IRAK2: variants seen among roughly 807,000 people sequenced by gnomAD.
IRAK2 encodes the protein interleukin-1 receptor-associated kinase-like 2.
A neutral mutation model predicts 72.0 loss-of-function variants in IRAK2; 57 were observed. That is an observed-to-expected ratio of 0.79 (90% CI 0.64 to 0.99). The LOEUF is 0.99. Ranked by LOEUF, IRAK2 falls within the 50% of genes least tolerant of loss-of-function variation. The probability of loss-of-function intolerance (pLI) is 0.00; values close to 1 mark genes in which losing one functional copy is unlikely to be tolerated. For missense variants in IRAK2, 790 were observed against 794.4 expected (o/e 0.99, Z 0.07); for synonymous variants, 293 against 312.7 (o/e 0.94, Z 0.67).
Position 10,213,553 on chromosome 3 carries a change from G to A in IRAK2, c.788+5G>A. The A allele has an allele frequency of 6.2e-7, 1 of 1,611,774 alleles. No homozygotes were observed. Among genetic ancestry groups the A allele is most frequent in the Non-Finnish European group, 8.5e-7 (1 of 1,177,858 alleles). ...AGAGTTGCAGATTTGTCTTAGGTAA[G>A]CCTCCCCTTTGTTTAGTAATAATGA... On this transcript the variant is annotated splice_donor_5th_base_variant and intron_variant, in intron 6 of 12. Coordinates refer to ENST00000256458, the MANE Select transcript of IRAK2 (RefSeq NM_001570.4).
chr3:10,166,890 C>T (rs144603477), intron 1 of IRAK2, among the ~76,000 whole-genome samples: 5 of 152,172 alleles, frequency 3.3e-5, no homozygotes, highest in African/African-American at 9.6e-5. Flanking sequence ...GTGATTTGGC[C>T]GCTTTGGCCT....
chr3:10,228,478 A>G (rs923077494), intron 10 of IRAK2, among the ~76,000 whole-genome samples: 2 of 152,100 alleles, frequency 1.3e-5, no homozygotes, highest in African/African-American at 4.8e-5. Context: ...TTTTCTTGAG[A>G]TGGATTTCCC....
chr3:10,234,918 G>A (rs1483173905), intron 11 of IRAK2, among the ~76,000 whole-genome samples: 1 of 152,230 alleles, frequency 6.6e-6, no homozygotes, highest in African/African-American at 2.4e-5. Flanking sequence ...TCTGTGAATC[G>A]GCTTTATTCC....
At chr3:10,178,060 G>A (rs776733356) in intron 2 of IRAK2, 40 bp downstream of exon 2, 13 of 1,498,076 alleles carry the variant, frequency 8.7e-6, no homozygotes, top group African/African-American at 2.8e-5. Flanking sequence ...GGCCCATCAC[G>A]CTCCTGAGCA....
intron 11 of IRAK2, among the ~76,000 whole-genome samples, chr3:10,235,025 T>G (rs867495977): frequency 3.9e-5 from 6 of 152,134 alleles, no homozygotes; most frequent in African/African-American, 1.4e-4. Flanking sequence ...CCACCCTGAG[T>G]CCCACCACAG....
intron 2 of IRAK2, among the ~76,000 whole-genome samples, chr3:10,193,888 G>A (rs1480376005): frequency 2.6e-5 from 4 of 152,196 alleles, no homozygotes; most frequent in African/African-American, 7.2e-5. Context: ...TGTACCTCTC[G>A]GGACTGTGCA....
At position 10,200,524 on chromosome 3, in the gene IRAK2, A is replaced by C; in HGVS notation, c.424+9A>C. 6.5e-7 allele frequency: 1 copy of C among 1,544,406 alleles called. No homozygotes were observed. Among genetic ancestry groups the C allele is most frequent in the Non-Finnish European group, 8.7e-7 (1 of 1,142,968 alleles). On this transcript the variant is annotated intron_variant, in intron 3 of 12. Transcript: ENST00000256458. ...CACCTTTCCAGGCCCAGGTATTTTA[A>C]ATTTAACTTTTTTACTTAAAGCACT...
intron 2 of IRAK2, among the ~76,000 whole-genome samples, chr3:10,193,922 C>T (rs930939319): frequency 3.3e-5 from 5 of 152,260 alleles, no homozygotes; most frequent in Non-Finnish European, 7.3e-5. Flanking sequence ...CACCTAGAAT[C>T]GGTTTCCATT....
At chr3:10,183,052 G>A (rs759109042) in intron 2 of IRAK2, among the ~76,000 whole-genome samples, 1 of 152,100 alleles carries the variant, frequency 6.6e-6, no homozygotes, top group Non-Finnish European at 1.5e-5. Context: ...GATTACAGCC[G>A]TGAGCCACCG....
chr3:10,170,018 A>G (rs958104252), intron 1 of IRAK2, among the ~76,000 whole-genome samples: 1 of 152,142 alleles, frequency 6.6e-6, no homozygotes, highest in Non-Finnish European at 1.5e-5. Flanking sequence ...TTCCCACAAC[A>G]CTACAAAGTT....
At chr3:10,199,143 G>A (rs574110267) in intron 2 of IRAK2, among the ~76,000 whole-genome samples, 208 of 152,212 alleles carry the variant, frequency 1.4e-3, no homozygotes, top group African/African-American at 4.8e-3. Flanking sequence ...GCCTGAGCTG[G>A]CGGCAGGGCC....
chr3:10,238,642 G>A, intron 11 of IRAK2, 106 bp from the exon 12 acceptor site: 4 of 1,090,340 alleles, frequency 3.7e-6, no homozygotes, highest in Non-Finnish European at 5.3e-6. Flanking sequence ...CCAGCATTAG[G>A]TTCTTCAGTC....
At chr3:10,183,465 C>G (rs1364776783) in intron 2 of IRAK2, among the ~76,000 whole-genome samples, 2 of 152,198 alleles carry the variant, frequency 1.3e-5, no homozygotes, top group African/African-American at 4.8e-5. Context: ...AGCCTGTAAT[C>G]CCAACACTTT....
chr3:10,239,218 C>T (rs1342465612), intron 12 of IRAK2, among the ~76,000 whole-genome samples, 179 bp downstream of exon 12: 1 of 152,214 alleles, frequency 6.6e-6, no homozygotes, highest in Non-Finnish European at 1.5e-5. Flanking sequence ...CTCTCCCTGC[C>T]CTGGACTGTG....
rs144950945 is a variant in IRAK2, at chr3:10,223,800, C to T, written c.1209+969C>T. ...CTTCAGCCAAGTGCATACAGCTGCC[C>T]CTTGGGCCTCACCCTCTTTTCTTCT... On this transcript the variant is annotated intron_variant, in intron 9 of 12. Coordinates refer to ENST00000256458, the MANE Select transcript of IRAK2 (RefSeq NM_001570.4). 1.9e-3 allele frequency among the ~76,000 whole-genome samples: 293 copies of T among 152,340 alleles called. 7 individuals are homozygous for T. The South Asian group carries it at 0.034, about 18-fold the overall frequency.
chr3:10,221,743 T>C (rs1332568618), intron 8 of IRAK2, among the ~76,000 whole-genome samples: 1 of 152,016 alleles, frequency 6.6e-6, no homozygotes, highest in Non-Finnish European at 1.5e-5. Context: ...CCCATGCTGG[T>C]CTCAAACTCC....
intron 1 of IRAK2, among the ~76,000 whole-genome samples, chr3:10,168,454 G>T (rs537483948): frequency 1.3e-5 from 2 of 151,810 alleles, no homozygotes; most frequent in Non-Finnish European, 2.9e-5. Context: ...CAGGTGATCT[G>T]CCCGCCTCGG....
intron 4 of IRAK2, 28 bp downstream of exon 4, chr3:10,209,720 CAAG>C: frequency 7.5e-7 from 1 of 1,336,278 alleles, no homozygotes; most frequent in Non-Finnish European, 1.0e-6. Flanking sequence ...CTGCAGCCCC[CAAG>C]CCATGTCTCC....
intron 11 of IRAK2, among the ~76,000 whole-genome samples, chr3:10,236,342 G>GTTTTTTTTTTTTT (rs34423993): frequency 3.3e-4 from 33 of 99,660 alleles, no homozygotes; most frequent in African/African-American, 1.2e-3. Context: ...AGCCACTAAG[G>GTTTTTTTTTTTTT]TTTTTTTTTT....
Sources: allele counts gnomAD v4.1 joint callset (sites outside exome capture counted in the v4.1 genomes callset), GRCh38; gene constraint gnomAD v4.1.1; transcripts MANE v1.5; gene names NCBI Gene and HGNC (gene_info 2026-07-23, HGNC 2026-07-21).